Variants in SCN8A observed in about 807,000 individuals in gnomAD.
The protein encoded by SCN8A is sodium channel protein type 8 subunit alpha.
Under a neutral mutation model 184.1 loss-of-function variants are expected in SCN8A, and 30 were observed. That is an observed-to-expected ratio of 0.16 (90% CI 0.12 to 0.22). The LOEUF is 0.22. Ranked by LOEUF, SCN8A falls within the 10% of genes least tolerant of loss-of-function variation. The pLI, the probability that SCN8A is intolerant of heterozygous loss-of-function variation, is 1.00. For missense variants in SCN8A, 1,057 were observed against 2,498.9 expected, an observed-to-expected ratio of 0.42 and a Z score of 12.30; for synonymous variants, 852 against 907.0, an observed-to-expected ratio of 0.94 and a Z score of 1.09.
intron 1 of SCN8A, among the ~76,000 whole-genome samples, chr12:51,638,093 G>A (rs1940358795): frequency 6.6e-6 from 1 of 151,970 alleles, no homozygotes; most frequent in Admixed American, 6.6e-5. Context: ...TAACAGGATG[G>A]TTTACTAGAT....
intron 1 of SCN8A, among the ~76,000 whole-genome samples, chr12:51,634,978 G>A (rs966710482): frequency 6.6e-6 from 1 of 152,046 alleles, no homozygotes; most frequent in Non-Finnish European, 1.5e-5. Context: ...GCCAAAGAAT[G>A]TTATTTAATA....
chr12:51,650,675 T>C (rs2138651121), intron 1 of SCN8A, among the ~76,000 whole-genome samples: 1 of 152,158 alleles, frequency 6.6e-6, no homozygotes, highest in Non-Finnish European at 1.5e-5. Context: ...ATGATGGCAA[T>C]AAAGCCCATG....
In SCN8A at chr12:51,695,784, A is replaced by G. The variant is rs112534828; in HGVS notation, c.707-3786A>G. ...TCTCACCACATGAAAATATTACTCA[A>G]CTGTCTCTTATCCTGTTCCAAATTC... On this transcript the variant is annotated intron_variant, in intron 6 of 26. Transcript: ENST00000627620. Among the ~76,000 whole-genome samples the G allele has an allele frequency of 8.9e-4, 136 of 152,266 alleles. 1 individual carries two copies. The highest frequency in any genetic ancestry group is 1.2e-3 in the Non-Finnish European group (81 of 68,016).
intron 20 of SCN8A, among the ~76,000 whole-genome samples, chr12:51,777,871 G>C (rs1937757741): frequency 6.6e-6 from 1 of 152,220 alleles, no homozygotes; most frequent in South Asian, 2.1e-4. Context: ...CCAGGGGACT[G>C]TTGAGTCCAG....
At chr12:51,591,996 G>A (rs1939231968) in intron 1 of SCN8A, among the ~76,000 whole-genome samples, 1 of 150,268 alleles carries the variant, frequency 6.7e-6, no homozygotes, top group African/African-American at 2.5e-5. Context: ...GGCAGGCGAG[G>A]ATTCCTGCAT....
chr12:51,806,223 AT>A lies in SCN8A; in HGVS notation c.4796-58del. On this transcript the variant is annotated intron_variant, in intron 26 of 26. Coordinates refer to ENST00000627620, the MANE Select transcript of SCN8A (RefSeq NM_001330260.2). This position sits in a 1 kb window ranked among gnomAD's most constrained non-coding sequence, Gnocchi z 8.7. ...GGTTCCACAATGCCAGGTAAAAAAAATAAAGAGAAAGGGTGTCTCCCATCTC... is the reference window on the plus strand; with the variant it reads ...GGTTCCACAATGCCAGGTAAAAAAAAAAAGAGAAAGGGTGTCTCCCATCTC... 1 of 1,454,116 alleles carries A rather than the reference AT, an allele frequency of 6.9e-7. No individual in the cohort carries two copies. The highest frequency in any genetic ancestry group is 1.6e-5 in the South Asian group (1 of 63,266). The allele number at this position is 1,454,116 out of a possible 1,614,324, so 90.1% of individuals were successfully genotyped here.
At chr12:51,776,608 G>C (rs1218252993) in intron 20 of SCN8A, among the ~76,000 whole-genome samples, 2 of 152,332 alleles carry the variant, frequency 1.3e-5, no homozygotes, top group East Asian at 1.9e-4. Flanking sequence ...TGTGCTAGGT[G>C]GGGGGACATT....
At chr12:51,603,653 C>T (rs1939518962) in intron 1 of SCN8A, among the ~76,000 whole-genome samples, 1 of 152,142 alleles carries the variant, frequency 6.6e-6, no homozygotes, top group African/African-American at 2.4e-5. Context: ...TTCCCAACAG[C>T]AGTGTATGAG....
At chr12:51,768,460 G>C (rs1254533196) in intron 16 of SCN8A, among the ~76,000 whole-genome samples, 1 of 151,820 alleles carries the variant, frequency 6.6e-6, no homozygotes, top group Non-Finnish European at 1.5e-5. Context: ...TTCTGACGTG[G>C]GTCCTCTCAA....
chr12:51,774,114 C>T, intron 19 of SCN8A, 75 bp from the exon 20 acceptor site: 2 of 1,426,756 alleles, frequency 1.4e-6, no homozygotes, highest in Non-Finnish European at 1.9e-6. Context: ...GGGACGGCTC[C>T]CTGAGGATAG....
chr12:51,790,354 T>G, intron 24 of SCN8A, 44 bp from the exon 25 acceptor site: 1 of 1,410,748 alleles, frequency 7.1e-7, no homozygotes, highest in Non-Finnish European at 9.9e-7. Flanking sequence ...CATAGCATGT[T>G]GAGAGCCAGT....
rs1340545689 is a variant in SCN8A at position 51,768,916 on chromosome 12, C to T, written c.2953C>T (p.Leu985=). The T allele has an allele frequency of 1.1e-5, 17 of 1,599,810 alleles. No individual in the cohort carries two copies. Among genetic ancestry groups the T allele is most frequent in the East Asian group, 2.2e-5 (1 of 44,600 alleles). Residue 985 remains leucine, a synonymous_variant, in exon 17 of 27, where the codon CTG becomes TTG. Transcript: ENST00000627620. ...LLLSSFSADN[L]AATDDDGEMN... ...CCTGAGCTCCTTCAGTGCAGACAAC[C>T]TGGCTGCCACAGATGACGATGGGGA...
chr12:51,618,520 A>G (rs1939894989), intron 1 of SCN8A, among the ~76,000 whole-genome samples: 1 of 151,300 alleles, frequency 6.6e-6, no homozygotes. Flanking sequence ...GAAAGAAAAA[A>G]AGGCAAAACT....
intron 5 of SCN8A, 166 bp from the exon 6 acceptor site, chr12:51,688,839 G>C: frequency 1.2e-6 from 2 of 1,613,038 alleles, no homozygotes; most frequent in Non-Finnish European, 1.7e-6. Context: ...AAACTATTTC[G>C]GTAATCCCAG....
In SCN8A at chr12:51,786,592, G is replaced by A; in HGVS notation, c.3993G>A (p.Leu1331=). Residue 1331 remains leucine, a synonymous_variant, in exon 22 of 27, where the codon CTG becomes CTA. Coordinates refer to ENST00000627620, the MANE Select transcript of SCN8A (RefSeq NM_001330260.2). Reference sequence around the variant, plus strand: ...CCATCCCCTCCATCATGAATGTGCTGCTGGTGTGTCTCATCTTCTGGCTGA... The same window carrying A: ...CCATCCCCTCCATCATGAATGTGCTACTGGTGTGTCTCATCTTCTGGCTGA... The part of the protein sequence containing the change: ...VGAIPSIMNV[L]LVCLIFWLIF... The A allele has an allele frequency of 6.2e-7, 1 of 1,614,230 alleles. No homozygotes were observed. Among genetic ancestry groups the A allele is most frequent in the East Asian group, 2.2e-5 (1 of 44,888 alleles).
chr12:51,778,145 G>GAAAATTAGGGTAGCCTAATAGGGC (rs1324066096), intron 20 of SCN8A, among the ~76,000 whole-genome samples: 6 of 152,196 alleles, frequency 3.9e-5, no homozygotes, highest in Non-Finnish European at 5.9e-5. Flanking sequence ...GCCTTTTCAT[G>GAAAATTAGGGTAGCCTAATAGGGC]AAAATTAGGG....
intron 17 of SCN8A, 111 bp downstream of exon 17, chr12:51,769,446 C>A: frequency 2.8e-6 from 2 of 725,696 alleles, no homozygotes; most frequent in Non-Finnish European, 2.3e-6. Flanking sequence ...CTGGAATAAC[C>A]AATTTACTTG....
Position 51,721,565 on chromosome 12 carries a change from G to T in SCN8A, c.1655G>T (p.Gly552Val), listed in dbSNP as rs957905474. 3.7e-6 allele frequency: 6 copies of T among 1,603,758 alleles called. No homozygotes were observed. The highest frequency in any genetic ancestry group is 2.2e-5 in the East Asian group (1 of 44,532). The change falls in exon 12 of 27, where the codon GGC becomes GTC. Residue 552 changes from glycine (G) to valine (V), a missense_variant. Around this residue, in one of 19 missense-constraint regions of SCN8A, gnomAD observed 322 missense variants for 390.1 expected, o/e 0.83. Coordinates refer to ENST00000627620, the MANE Select transcript of SCN8A (RefSeq NM_001330260.2). ...CTGCAGTCACTGCTCAGCATCCCAG[G>T]CTCGCCCTTCCTCTCCCGCCACAAC... is the stretch of plus-strand genomic sequence containing the variant. ...IMNQSLLSIPGSPFLSRHNSK... is the reference protein window; with the variant it reads ...IMNQSLLSIPVSPFLSRHNSK...
intron 13 of SCN8A, among the ~76,000 whole-genome samples, chr12:51,749,590 A>G (rs1942565741): frequency 6.6e-6 from 1 of 152,202 alleles, no homozygotes; most frequent in Admixed American, 6.5e-5. Flanking sequence ...AAGAAGCCAC[A>G]GCAGATTTTC....
Sources: allele counts gnomAD v4.1 joint callset (sites outside exome capture counted in the v4.1 genomes callset), GRCh38; gene constraint gnomAD v4.1.1; regional missense constraint gnomAD v4.1.1; non-coding constraint Gnocchi (gnomAD v3.1); transcripts MANE v1.5; gene names NCBI Gene and HGNC (gene_info 2026-07-23, HGNC 2026-07-21).